RPS6KC1: variants seen among roughly 807,000 people sequenced by gnomAD.
The protein encoded by RPS6KC1 is inactive ribosomal protein S6 kinase delta-1.
A neutral mutation model predicts 103.8 loss-of-function variants in RPS6KC1; 54 were observed. That is an observed-to-expected ratio of 0.52 (90% CI 0.42 to 0.65). The LOEUF is 0.65. Among genes scored for constraint, RPS6KC1 ranks in the 30% least tolerant of loss-of-function variants. The pLI is 0.00. For missense variants in RPS6KC1, 1,151 were observed against 1,253.8 expected (o/e 0.92, Z 1.24); for synonymous variants, 439 against 438.7 (o/e 1.00, Z -0.01).
At chr1:213,102,268 T>A (rs111502411) in intron 3 of RPS6KC1, among the ~76,000 whole-genome samples, 2,110 of 152,290 alleles carry the variant, frequency 0.014, 52 homozygotes, top group African/African-American at 0.047. Context: ...TGTCATTTTT[T>A]AATGAGATGT....
At chr1:213,516,364 G>A in the RPS6KC1 span, among the ~76,000 whole-genome samples, 1 of 152,098 alleles carries the variant, frequency 6.6e-6, no homozygotes, top group South Asian at 2.1e-4. Flanking sequence ...TTGGCTGTGG[G>A]TTTGTCATAG....
chr1:213,377,749 G>A, the RPS6KC1 span, among the ~76,000 whole-genome samples: 1 of 152,164 alleles, frequency 6.6e-6, no homozygotes, highest in Non-Finnish European at 1.5e-5. Context: ...TCTGATTGGG[G>A]GTGGGAAAAT....
At chr1:213,067,545 G>A (rs1056654093) in intron 1 of RPS6KC1, among the ~76,000 whole-genome samples, 1 of 152,106 alleles carries the variant, frequency 6.6e-6, no homozygotes, top group African/African-American at 2.4e-5. Context: ...GCACAGTGAG[G>A]ATTCAGTGTC....
the RPS6KC1 span, among the ~76,000 whole-genome samples, chr1:213,764,264 T>C: frequency 6.6e-6 from 1 of 152,180 alleles, no homozygotes; most frequent in Non-Finnish European, 1.5e-5. Flanking sequence ...GGATCTTTCT[T>C]AGACTTTGAA....
At chr1:213,433,177 G>T in the RPS6KC1 span, among the ~76,000 whole-genome samples, 1 of 152,150 alleles carries the variant, frequency 6.6e-6, no homozygotes, top group South Asian at 2.1e-4. Flanking sequence ...CTCATGGACT[G>T]CTTCCTCTGT....
chr1:213,663,302 C>G, the RPS6KC1 span, among the ~76,000 whole-genome samples: 1 of 152,216 alleles, frequency 6.6e-6, no homozygotes, highest in Non-Finnish European at 1.5e-5. Flanking sequence ...GCACCTGTCT[C>G]TCAGAGAGTG....
intron 10 of RPS6KC1, among the ~76,000 whole-genome samples, chr1:213,237,820 G>T (rs760362118): frequency 4.6e-5 from 7 of 151,990 alleles, no homozygotes; most frequent in Non-Finnish European, 8.8e-5. Flanking sequence ...ACTTAGAAAA[G>T]TATCATTTAC....
chr1:213,185,124 A>G (rs1403984470), intron 8 of RPS6KC1, among the ~76,000 whole-genome samples: 2 of 152,082 alleles, frequency 1.3e-5, no homozygotes, highest in Non-Finnish European at 2.9e-5. Context: ...TCTTTTCTTT[A>G]TTAGATCTAT....
intron 6 of RPS6KC1, among the ~76,000 whole-genome samples, chr1:213,156,035 T>C (rs1400952153): frequency 6.6e-6 from 1 of 152,134 alleles, no homozygotes; most frequent in Non-Finnish European, 1.5e-5. Flanking sequence ...ACCCCCTTAA[T>C]TGAGGGAAAA....
chr1:213,316,073 G>A, the RPS6KC1 span, among the ~76,000 whole-genome samples: 1 of 152,230 alleles, frequency 6.6e-6, no homozygotes, highest in Non-Finnish European at 1.5e-5. Flanking sequence ...CCCACATGTT[G>A]AGGGAGAGAC....
chr1:213,688,382 C>G, the RPS6KC1 span, among the ~76,000 whole-genome samples: 1 of 152,188 alleles, frequency 6.6e-6, no homozygotes, highest in Non-Finnish European at 1.5e-5. Flanking sequence ...ACTTCTTCCT[C>G]AGTCTCCACC....
the RPS6KC1 span, among the ~76,000 whole-genome samples, chr1:213,845,450 T>C: frequency 1.3e-5 from 2 of 152,196 alleles, no homozygotes; most frequent in Non-Finnish European, 2.9e-5. Flanking sequence ...CCACACTGAC[T>C]ACAGTAGAGA....
At chr1:213,113,271 G>A (rs1252779419) in intron 4 of RPS6KC1, among the ~76,000 whole-genome samples, 3 of 151,916 alleles carry the variant, frequency 2.0e-5, no homozygotes, top group Admixed American at 2.0e-4. Context: ...GGTGTGAGAT[G>A]ATATCTCATT....
At chr1:213,476,356 G>A in the RPS6KC1 span, among the ~76,000 whole-genome samples, 1 of 152,102 alleles carries the variant, frequency 6.6e-6, no homozygotes, top group Non-Finnish European at 1.5e-5. Context: ...CTTAATATTT[G>A]TTAAGCTTTT....
At chr1:213,752,355 T>C in the RPS6KC1 span, among the ~76,000 whole-genome samples, 1 of 149,906 alleles carries the variant, frequency 6.7e-6, no homozygotes, top group Admixed American at 6.6e-5. Context: ...AGACCATATG[T>C]AAAAGAAAAA....
At chr1:213,565,106 A>T in the RPS6KC1 span, among the ~76,000 whole-genome samples, 1 of 152,224 alleles carries the variant, frequency 6.6e-6, no homozygotes, top group Non-Finnish European at 1.5e-5. Context: ...TCCACCAGAA[A>T]GGTTAAATTT....
At chr1:213,206,062 T>C (rs1258210876) in intron 8 of RPS6KC1, among the ~76,000 whole-genome samples, 2 of 152,336 alleles carry the variant, frequency 1.3e-5, no homozygotes, top group East Asian at 3.9e-4. Flanking sequence ...ATTCTGTACT[T>C]GCATTTGAAT....
At chr1:213,738,521 A>G in the RPS6KC1 span, among the ~76,000 whole-genome samples, 1 of 152,176 alleles carries the variant, frequency 6.6e-6, no homozygotes, top group Non-Finnish European at 1.5e-5. Flanking sequence ...AAGCTGGGGA[A>G]ATCAGAGGGA....
At chr1:213,859,737 T>A in the RPS6KC1 span, among the ~76,000 whole-genome samples, 16 of 152,354 alleles carry the variant, frequency 1.1e-4, no homozygotes, top group Admixed American at 5.9e-4. Context: ...TTTACAGGTA[T>A]CACCATCTAT....
Sources: gnomAD v4.1 joint callset for allele counts (sites outside exome capture counted in the v4.1 genomes callset) on GRCh38, gnomAD v4.1.1 for gene constraint, MANE v1.5 for transcripts, NCBI Gene and HGNC (gene_info 2026-07-23, HGNC 2026-07-21) for gene names.